Variants in RB1 observed in about 807,000 individuals in gnomAD.
RB1 encodes RB transcriptional corepressor 1, also known as retinoblastoma-associated protein.
In RB1, 18 loss-of-function variants were observed where a neutral mutation model predicts 135.4. That is an observed-to-expected ratio of 0.13 (90% CI 0.09 to 0.20). RB1 has a LOEUF of 0.20. RB1 is among the 10% of genes least tolerant of loss of function. The pLI, the probability that RB1 is intolerant of heterozygous loss-of-function variation, is 1.00. For synonymous variants in RB1, 365 were observed against 373.2 expected, an observed-to-expected ratio of 0.98 and a Z score of 0.25; for missense variants, 868 against 1,110.0, an observed-to-expected ratio of 0.78 and a Z score of 3.10.
chr13:48,379,332 C>T (rs1369583977), intron 13 of RB1, among the ~76,000 whole-genome samples: 6 of 151,938 alleles, frequency 3.9e-5, no homozygotes, highest in African/African-American at 4.8e-5. Context: ...GTTGTCTTGG[C>T]GGCCATATTT....
intron 2 of RB1, chr13:48,328,034 CT>C: frequency 4.2e-6 from 3 of 712,550 alleles, no homozygotes; most frequent in Non-Finnish European, 7.5e-6. Context: ...GGAAACTGTT[CT>C]TTTTAACTTT....
chr13:48,426,637 C>T (rs1949083292), intron 17 of RB1: 1 of 152,230 alleles, frequency 6.6e-6, no homozygotes, highest in Non-Finnish European at 1.5e-5. Context: ...TCCTTCCAGT[C>T]ACTCAAGTAC....
intron 12 of RB1, 129 bp downstream of exon 12, chr13:48,373,621 C>A (rs1479593742): frequency 6.6e-6 from 4 of 607,230 alleles, no homozygotes; most frequent in Non-Finnish European, 1.2e-5. Context: ...ATAATCTTTT[C>A]TTGCTTTTTT....
chr13:48,333,046 G>T, intron 2 of RB1: 1 of 398,354 alleles, frequency 2.5e-6, no homozygotes, highest in Non-Finnish European at 4.4e-6. Flanking sequence ...TCAAACCATG[G>T]TTGACCATGG....
chr13:48,424,627 C>T (rs1298225001), intron 17 of RB1, among the ~76,000 whole-genome samples: 3 of 152,104 alleles, frequency 2.0e-5, no homozygotes, highest in Non-Finnish European at 4.4e-5. Flanking sequence ...TCTCTTGTTG[C>T]TTCTTCATCT....
chr13:48,462,816 A>G (rs951227234), intron 20 of RB1, among the ~76,000 whole-genome samples: 1 of 152,214 alleles, frequency 6.6e-6, no homozygotes, highest in Admixed American at 6.5e-5. Flanking sequence ...GTGGATAACT[A>G]GTTGTTCCAG....
Position 48,362,973 on chromosome 13 carries a change from G to T in RB1, c.861+16G>T, listed in dbSNP as rs756590822. The T allele has an allele frequency of 8.7e-6, 14 of 1,607,946 alleles. No individual in the cohort carries two copies. In the South Asian group the frequency reaches 1.3e-4, roughly 15 times the overall value. On this transcript the variant is annotated intron_variant, in intron 8 of 26. Coordinates refer to ENST00000267163, the MANE Select transcript of RB1 (RefSeq NM_000321.3). ...TATAGATGAGGTAATTTAACTTCAT[G>T]ATTTCTTTAAAACAGTTAAAGTAGA...
At chr13:48,382,264 T>C (rs1351092081) in intron 17 of RB1, among the ~76,000 whole-genome samples, 1 of 152,208 alleles carries the variant, frequency 6.6e-6, no homozygotes, top group African/African-American at 2.4e-5. Context: ...TTTTTGGTTT[T>C]AGATCCTTGA....
At chr13:48,441,064 T>G (rs1257207595) in intron 17 of RB1, among the ~76,000 whole-genome samples, 1 of 152,218 alleles carries the variant, frequency 6.6e-6, no homozygotes, top group Non-Finnish European at 1.5e-5. Context: ...CAGTCTGCTT[T>G]AACAAAATAC....
At chr13:48,442,565 G>A (rs567419661) in intron 17 of RB1, among the ~76,000 whole-genome samples, 1 of 152,170 alleles carries the variant, frequency 6.6e-6, no homozygotes, top group South Asian at 2.1e-4. Context: ...CTTTAACAAG[G>A]TTTTTTTCCT....
At chr13:48,456,396 G>T in intron 19 of RB1, 47 bp downstream of exon 19, 2 of 1,603,402 alleles carry the variant, frequency 1.2e-6, no homozygotes, top group South Asian at 2.2e-5. Context: ...AAACTAGGCT[G>T]ACTGGGTTCA....
rs372603211 is a variant in RB1 at position 48,402,761 on chromosome 13, A to G, written c.1695+21318A>G. On this transcript the variant is annotated intron_variant, in intron 17 of 26. Transcript: ENST00000267163. ...CCCCTCGTTTTAGGTAGCTAAGATT[A>G]TATTGAATCATGTGTGTTTCAGTCT... 9.2e-5 allele frequency among the ~76,000 whole-genome samples: 14 copies of G among 152,254 alleles called. No individual in the cohort carries two copies. The East Asian group carries it at 1.9e-3, about 21-fold the overall frequency.
chr13:48,390,599 A>ATC (rs1450524273), intron 17 of RB1, among the ~76,000 whole-genome samples: 2 of 152,086 alleles, frequency 1.3e-5, no homozygotes, highest in Non-Finnish European at 2.9e-5. Flanking sequence ...AAAAAAACTA[A>ATC]TCTCTCTCTC....
At chr13:48,356,430 A>C (rs777519746) in intron 6 of RB1, among the ~76,000 whole-genome samples, 2 of 152,030 alleles carry the variant, frequency 1.3e-5, no homozygotes, top group Non-Finnish European at 2.9e-5. Context: ...ACTTTAAGTG[A>C]TATTATTTCT....
At chr13:48,434,793 C>T (rs1201249488) in intron 17 of RB1, among the ~76,000 whole-genome samples, 2 of 152,186 alleles carry the variant, frequency 1.3e-5, no homozygotes, top group Non-Finnish European at 2.9e-5. Flanking sequence ...CAAATTTTGT[C>T]ATTTCAAAAA....
At chr13:48,434,997 T>C (rs1429210089) in intron 17 of RB1, among the ~76,000 whole-genome samples, 1 of 152,242 alleles carries the variant, frequency 6.6e-6, no homozygotes, top group Admixed American at 6.5e-5. Context: ...TTCTAGTTTT[T>C]GGCTATCACA....
Position 48,412,952 on chromosome 13 carries a change from T to C in RB1, c.1695+31509T>C, listed in dbSNP as rs963233261. The C allele has an allele frequency of 1.2e-5, 2 of 169,622 alleles. 1 individual carries two copies. Among genetic ancestry groups the C allele is most frequent in the African/African-American group, 4.8e-5 (2 of 41,596 alleles). 10.5% of individuals were successfully genotyped at this position (169,622 alleles called of 1,614,324 possible). On this transcript the variant is annotated intron_variant, in intron 17 of 26. Coordinates refer to ENST00000267163, the MANE Select transcript of RB1 (RefSeq NM_000321.3). ...GTCCCATTTTACTTCTTGCTTCTTT[T>C]AAATGAAGTTTTCCTTTTTTGTTTT...
rs79739360 is a variant in RB1 at position 48,335,021 on chromosome 13, G to T, written c.265-7578G>T. Among the ~76,000 whole-genome samples, 1,469 of 152,112 alleles carry T rather than the reference G, an allele frequency of 9.7e-3. 25 individuals carry two copies. Among genetic ancestry groups the T allele is most frequent in the African/African-American group, 0.034 (1,408 of 41,502 alleles). Reference sequence around the variant, plus strand: ...TAGATAATTTAAAAAATGTATGCAGGATTAATAAGGAAAATGAAAACTGTT... The same window carrying T: ...TAGATAATTTAAAAAATGTATGCAGTATTAATAAGGAAAATGAAAACTGTT... On this transcript the variant is annotated intron_variant, in intron 2 of 26. Coordinates refer to ENST00000267163, the MANE Select transcript of RB1 (RefSeq NM_000321.3).
At chr13:48,367,657 T>C (rs1013453273) in intron 10 of RB1, 54 bp downstream of exon 10, 1 of 1,568,086 alleles carries the variant, frequency 6.4e-7, no homozygotes, top group Non-Finnish European at 8.7e-7. Context: ...TTGATACTGA[T>C]ATAGGTAGAT....
Sources: allele counts gnomAD v4.1 joint callset (sites outside exome capture counted in the v4.1 genomes callset), GRCh38; gene constraint gnomAD v4.1.1; transcripts MANE v1.5; gene names NCBI Gene and HGNC (gene_info 2026-07-23, HGNC 2026-07-21).